GRM4: variants seen among roughly 807,000 people sequenced by gnomAD.
The protein encoded by GRM4 is glutamate metabotropic receptor 4, also known as metabotropic glutamate receptor 4.
In GRM4, 28 loss-of-function variants were observed where a neutral mutation model predicts 81.7. The observed-to-expected ratio is 0.34, with a 90% CI of 0.25 to 0.47. GRM4 has a LOEUF of 0.47. GRM4 is among the 20% of genes least tolerant of loss of function. GRM4 has a pLI of 1.00. For synonymous variants in GRM4, 488 were observed against 528.8 expected (o/e 0.92, Z 1.06); for missense variants, 948 against 1,290.0 (o/e 0.73, Z 4.06).
Position 34,070,790 on chromosome 6 carries a change from AGCC to A in GRM4, c.737-8765_737-8763del, listed in dbSNP as rs1766781863. On this transcript the variant is annotated intron_variant, in intron 3 of 10. Transcript: ENST00000538487. The surrounding 1 kb of genome is among the most constrained non-coding windows in gnomAD (Gnocchi z 4.6). ...CCCACCACACCCCCGCCACACCCCC[AGCC>A]ACACACACACACACACACACACACA... 1.1e-5 allele frequency among the ~76,000 whole-genome samples: 1 copy of A among 91,016 alleles called. No homozygotes were observed. Among genetic ancestry groups the A allele is most frequent in the African/African-American group, 4.8e-5 (1 of 20,784 alleles). 59.7% of individuals were successfully genotyped at this position (91,016 alleles called of 152,430 possible). A position where few individuals can be genotyped will look rare whatever the true frequency, so the allele number is the denominator to read the frequency against.
rs1048470951 is a variant in GRM4 at position 34,104,300 on chromosome 6, G to A, written c.520-12201C>T. Among the ~76,000 whole-genome samples, 2 of 152,226 alleles carry A rather than the reference G, an allele frequency of 1.3e-5. 1 individual carries two copies. On this transcript the variant is annotated intron_variant, in intron 2 of 10. Coordinates refer to ENST00000538487, the MANE Select transcript of GRM4 (RefSeq NM_000841.4). ...TGGGGACATGGAGCAGGCTGGGCCA[G>A]GGCCAGGCATCCTTGCCAGTGGGCA...
chr6:34,103,553 G>A (rs1019040828), intron 2 of GRM4: 14 of 1,502,976 alleles, frequency 9.3e-6, no homozygotes, highest in South Asian at 1.2e-5. Context: ...TTTCATAGGC[G>A]AAATGTAGAT....
intron 3 of GRM4, among the ~76,000 whole-genome samples, chr6:34,087,923 T>G (rs1408298925): frequency 4.6e-5 from 7 of 151,350 alleles, no homozygotes; most frequent in Non-Finnish European, 8.8e-5. Flanking sequence ...CAGGCTAGCC[T>G]GGGCTCCTGT....
At position 34,078,592 on chromosome 6, in the gene GRM4, A is replaced by G. The variant is rs183171066; in HGVS notation, c.736+13291T>C. 1.1e-3 allele frequency among the ~76,000 whole-genome samples: 160 copies of G among 151,892 alleles called. 2 individuals are homozygous for G. The highest frequency in any genetic ancestry group is 2.3e-3 in the Admixed American group (35 of 15,284). ...CCTCTGCTCTCTCAGCCTGTTTCCTACCTGTGAAATGGGGTGGGCATGGAG... is the reference window on the plus strand; with the variant it reads ...CCTCTGCTCTCTCAGCCTGTTTCCTGCCTGTGAAATGGGGTGGGCATGGAG... On this transcript the variant is annotated intron_variant, in intron 3 of 10. Coordinates refer to ENST00000538487, the MANE Select transcript of GRM4 (RefSeq NM_000841.4). The surrounding 1 kb of genome is among the most constrained non-coding windows in gnomAD (Gnocchi z 4.8).
intron 2 of GRM4, among the ~76,000 whole-genome samples, chr6:34,128,078 G>T (rs572059072): frequency 6.6e-6 from 1 of 152,140 alleles, no homozygotes; most frequent in Non-Finnish European, 1.5e-5. Context: ...GCCCCATTTC[G>T]TGATAGCAAG....
In GRM4 at chr6:34,121,142, T is replaced by C. The variant is rs910509884; in HGVS notation, c.519+11836A>G. Among the ~76,000 whole-genome samples, 3 of 151,420 alleles carry C rather than the reference T, an allele frequency of 2.0e-5. No individual in the cohort carries two copies. The highest frequency in any genetic ancestry group is 1.3e-4 in the Admixed American group (2 of 15,186). Reference sequence around the variant, plus strand: ...GTGGTGAGAGCTGCACACACTCCACTTCCTGCTGAAGTCTCCTCTCAGAAC... The same window carrying C: ...GTGGTGAGAGCTGCACACACTCCACCTCCTGCTGAAGTCTCCTCTCAGAAC... On this transcript the variant is annotated intron_variant, in intron 2 of 10. Coordinates refer to ENST00000538487, the MANE Select transcript of GRM4 (RefSeq NM_000841.4). The surrounding 1 kb of genome is among the most constrained non-coding windows in gnomAD (Gnocchi z 4.6).
intron 3 of GRM4, among the ~76,000 whole-genome samples, chr6:34,077,298 C>G (rs1041322203): frequency 1.3e-5 from 2 of 152,126 alleles, no homozygotes; most frequent in Admixed American, 1.3e-4. Flanking sequence ...CGCTCTCACA[C>G]ATTCTGCCCA....
At chr6:34,026,461 G>C (rs1764137202) in intron 10 of GRM4, among the ~76,000 whole-genome samples, 1 of 152,092 alleles carries the variant, frequency 6.6e-6, no homozygotes, top group Admixed American at 6.5e-5. Context: ...AGGCCTGCAG[G>C]GGGTCTGGGT....
rs1051946112 is a variant in GRM4, at chr6:34,068,360, G to A, written c.737-6332C>T. ...CACTTACCTTCAAGTGAGGCGGGAC[G>A]TGCTGCTAAATGAATTCACATTTCT... On this transcript the variant is annotated intron_variant, in intron 3 of 10. Transcript: ENST00000538487. The surrounding 1 kb of genome is among the most constrained non-coding windows in gnomAD (Gnocchi z 4.2). Among the ~76,000 whole-genome samples, 3 of 152,134 alleles carry A rather than the reference G, an allele frequency of 2.0e-5. No individual in the cohort carries two copies. The highest frequency in any genetic ancestry group is 4.1e-4 in the South Asian group (2 of 4,824).
chr6:34,141,744 A>G (rs919304782), intron 1 of GRM4, among the ~76,000 whole-genome samples: 1 of 152,100 alleles, frequency 6.6e-6, no homozygotes, highest in African/African-American at 2.4e-5. Context: ...CATCTCTTCT[A>G]AGCAAGTTCC....
chr6:34,081,864 C>T (rs1343201797), intron 3 of GRM4, among the ~76,000 whole-genome samples: 1 of 152,180 alleles, frequency 6.6e-6, no homozygotes, highest in African/African-American at 2.4e-5. Flanking sequence ...TGCCAGGAAC[C>T]CCACCCCAGC....
intron 2 of GRM4, among the ~76,000 whole-genome samples, chr6:34,100,985 G>A (rs1241216044): frequency 6.6e-6 from 1 of 152,196 alleles, no homozygotes; most frequent in African/African-American, 2.4e-5. Context: ...GGAGCTTTGA[G>A]GGTTTTTTGT....
chr6:34,104,049 C>T (rs1768994295), intron 2 of GRM4, among the ~76,000 whole-genome samples: 1 of 152,236 alleles, frequency 6.6e-6, no homozygotes, highest in Non-Finnish European at 1.5e-5. Flanking sequence ...GAGAAGCTGC[C>T]CCTCCGAAGC....
chr6:34,134,394 C>T (rs1770370567), intron 1 of GRM4, among the ~76,000 whole-genome samples: 1 of 152,166 alleles, frequency 6.6e-6, no homozygotes, highest in African/African-American at 2.4e-5. Context: ...TCTTCCGGGA[C>T]TCAGAGACCC....
chr6:34,097,940 T>C (rs990907743), intron 2 of GRM4, among the ~76,000 whole-genome samples: 4 of 152,066 alleles, frequency 2.6e-5, no homozygotes, highest in Non-Finnish European at 5.9e-5. Context: ...CCTTTTCTGT[T>C]AAAAGCACCT....
At chr6:34,027,207 G>C (rs1764173991) in intron 10 of GRM4, among the ~76,000 whole-genome samples, 1 of 152,162 alleles carries the variant, frequency 6.6e-6, no homozygotes, top group Non-Finnish European at 1.5e-5. Context: ...GGACACACAG[G>C]CATCAGGGGT....
intron 2 of GRM4, among the ~76,000 whole-genome samples, chr6:34,116,210 G>A (rs144162896): frequency 9.4e-4 from 143 of 152,340 alleles, no homozygotes; most frequent in Middle Eastern, 3.4e-3. Flanking sequence ...TGCAGAATGA[G>A]CACCGGCTTC....
In GRM4 at chr6:34,035,350, T is replaced by A. The variant is rs1379113959; in HGVS notation, c.2442+318A>T. ...ACAGGGGGAGGATGGAAAGAGGGAGTAAAGTGGGGCTGAAGGAGACAAAAG... is the reference window on the plus strand; with the variant it reads ...ACAGGGGGAGGATGGAAAGAGGGAGAAAAGTGGGGCTGAAGGAGACAAAAG... On this transcript the variant is annotated intron_variant, in intron 9 of 10. Transcript: ENST00000538487. The surrounding 1 kb of genome is among the most constrained non-coding windows in gnomAD (Gnocchi z 6.6). 9.3e-6 allele frequency among the ~76,000 whole-genome samples: 1 copy of A among 107,116 alleles called. No individual in the cohort carries two copies. Among genetic ancestry groups the A allele is most frequent in the Admixed American group, 1.1e-4 (1 of 8,854 alleles). 70.3% of individuals were successfully genotyped at this position (107,116 alleles called of 152,430 possible). A position where few individuals can be genotyped will look rare whatever the true frequency, so the allele number is the denominator to read the frequency against.
At chr6:34,075,287 G>A (rs969695962) in intron 3 of GRM4, among the ~76,000 whole-genome samples, 1 of 152,204 alleles carries the variant, frequency 6.6e-6, no homozygotes, top group African/African-American at 2.4e-5. Flanking sequence ...ACACCCTGGT[G>A]GAGGAGGTCA....
Sources: allele counts gnomAD v4.1 joint callset (sites outside exome capture counted in the v4.1 genomes callset), GRCh38; gene constraint gnomAD v4.1.1; non-coding constraint Gnocchi (gnomAD v3.1); transcripts MANE v1.5; gene names NCBI Gene and HGNC (gene_info 2026-07-23, HGNC 2026-07-21).